The following ROBO2 variants were observed in gnomAD, a reference collection of about 807,000 sequenced individuals.
The protein encoded by ROBO2 is roundabout homolog 2.
ROBO2 carries 53 observed loss-of-function variants against 160.8 expected under a neutral mutation model. The observed-to-expected ratio is 0.33, with a 90% CI of 0.26 to 0.41. ROBO2 has a LOEUF of 0.41. ROBO2 is among the 10% of genes least tolerant of loss of function. The pLI is 1.00. For synonymous variants in ROBO2, 664 were observed against 611.7 expected (o/e 1.09, Z -1.26); for missense variants, 1,577 against 1,722.4 (o/e 0.92, Z 1.49).
chr3:76,503,968 G>C (rs1045916770), intron 2 of ROBO2, among the ~76,000 whole-genome samples: 1 of 152,148 alleles, frequency 6.6e-6, no homozygotes, highest in African/African-American at 2.4e-5. Flanking sequence ...AAATCATTAT[G>C]TAGATAACTA....
chr3:76,899,532 A>G (rs1398864186), intron 2 of ROBO2, among the ~76,000 whole-genome samples: 3 of 152,074 alleles, frequency 2.0e-5, no homozygotes, highest in Non-Finnish European at 4.4e-5. Flanking sequence ...TTTTTATTCA[A>G]TTTCTTCAAT....
At chr3:76,830,482 C>A (rs1431814556) in intron 2 of ROBO2, among the ~76,000 whole-genome samples, 1 of 152,006 alleles carries the variant, frequency 6.6e-6, no homozygotes. Context: ...TCATCCCCTA[C>A]TCAAAAAAAA....
intron 2 of ROBO2, among the ~76,000 whole-genome samples, chr3:77,448,886 A>G (rs2080851180): frequency 6.6e-6 from 1 of 152,144 alleles, no homozygotes; most frequent in Non-Finnish European, 1.5e-5. Context: ...CTATGTGAAA[A>G]AAAATCACAT....
At chr3:76,785,591 A>T (rs2062922908) in intron 2 of ROBO2, among the ~76,000 whole-genome samples, 1 of 151,244 alleles carries the variant, frequency 6.6e-6, no homozygotes, top group Non-Finnish European at 1.5e-5. Context: ...CTTTAAATAA[A>T]TATTTATTTC....
At chr3:76,335,867 C>T (rs541524527) in intron 2 of ROBO2, among the ~76,000 whole-genome samples, 25 of 152,286 alleles carry the variant, frequency 1.6e-4, no homozygotes, top group Admixed American at 1.3e-3. Context: ...TGAGCCACCG[C>T]GCCCGGCCTA....
At chr3:76,834,027 C>CTTTCTT (rs2067334901) in intron 2 of ROBO2, among the ~76,000 whole-genome samples, 1 of 54,804 alleles carries the variant, frequency 1.8e-5, no homozygotes, top group East Asian at 4.6e-4. Context: ...TCTTTCTTTT[C>CTTTCTT]TTTCTTTCTT....
intron 2 of ROBO2, among the ~76,000 whole-genome samples, chr3:76,881,072 C>T (rs1282941709): frequency 9.2e-5 from 14 of 152,186 alleles, no homozygotes; most frequent in Admixed American, 9.2e-4. Flanking sequence ...TTACAATACA[C>T]TGTACCTAGT....
intron 2 of ROBO2, among the ~76,000 whole-genome samples, chr3:76,725,058 A>G (rs1404316597): frequency 6.6e-6 from 1 of 152,158 alleles, no homozygotes; most frequent in African/African-American, 2.4e-5. Context: ...TCAGCTCAGT[A>G]ATACTGATTT....
At chr3:77,030,659 C>G (rs2063262225) in intron 2 of ROBO2, among the ~76,000 whole-genome samples, 1 of 152,162 alleles carries the variant, frequency 6.6e-6, no homozygotes, top group African/African-American at 2.4e-5. Flanking sequence ...CTCGTTGCAT[C>G]TGGTGGCCTG....
At chr3:76,782,973 CCTT>C (rs771078223) in intron 2 of ROBO2, among the ~76,000 whole-genome samples, 2 of 149,946 alleles carry the variant, frequency 1.3e-5, no homozygotes, top group African/African-American at 2.4e-5. Flanking sequence ...CTCTTGCTCT[CCTT>C]CTTGGTGATT....
chr3:76,988,621 T>A (rs1484743528), intron 2 of ROBO2, among the ~76,000 whole-genome samples: 1 of 152,176 alleles, frequency 6.6e-6, no homozygotes, highest in African/African-American at 2.4e-5. Context: ...TTGATAAGTG[T>A]CTTTATTTCC....
At chr3:76,751,185 A>G (rs1294503473) in intron 2 of ROBO2, among the ~76,000 whole-genome samples, 1 of 152,186 alleles carries the variant, frequency 6.6e-6, no homozygotes, top group Non-Finnish European at 1.5e-5. Flanking sequence ...GACAAAAACA[A>G]GAAATAGGGA....
At chr3:75,982,209 G>T (rs2065298117) in intron 2 of ROBO2, among the ~76,000 whole-genome samples, 2 of 151,426 alleles carry the variant, frequency 1.3e-5, no homozygotes, top group South Asian at 4.2e-4. Context: ...CTTAGCTATT[G>T]TAAACAGTGC....
At chr3:76,010,889 T>C (rs2066172156) in intron 2 of ROBO2, among the ~76,000 whole-genome samples, 1 of 152,110 alleles carries the variant, frequency 6.6e-6, no homozygotes, top group African/African-American at 2.4e-5. Flanking sequence ...TAAATAAATA[T>C]CTCATTTAGA....
intron 1 of ROBO2, among the ~76,000 whole-genome samples, chr3:77,070,073 A>T (rs146742978): frequency 2.0e-5 from 3 of 152,172 alleles, no homozygotes; most frequent in Non-Finnish European, 4.4e-5. Flanking sequence ...AGATGATGAG[A>T]GGTTGGAATA....
chr3:76,845,534 AT>A (rs1405775960), intron 2 of ROBO2, among the ~76,000 whole-genome samples: 1 of 151,960 alleles, frequency 6.6e-6, no homozygotes, highest in Non-Finnish European at 1.5e-5. Context: ...AAAGCATGGA[AT>A]GTGTATTGAA....
At chr3:76,633,765 G>A (rs1159534000) in intron 2 of ROBO2, among the ~76,000 whole-genome samples, 1 of 152,212 alleles carries the variant, frequency 6.6e-6, no homozygotes, top group Non-Finnish European at 1.5e-5. Context: ...CCACTTTATA[G>A]ATGAGGAATT....
intron 2 of ROBO2, among the ~76,000 whole-genome samples, chr3:76,331,313 T>C (rs1179155573): frequency 6.6e-6 from 1 of 152,154 alleles, no homozygotes. Context: ...TTCATAAATA[T>C]CACATGAGGC....
chr3:77,185,630 C>T (rs1045435953), intron 2 of ROBO2, among the ~76,000 whole-genome samples: 1 of 151,824 alleles, frequency 6.6e-6, no homozygotes, highest in Admixed American at 6.6e-5. Context: ...AAAGTAGAAC[C>T]ACCATTTGAT....
Sources: gnomAD v4.1 joint callset for allele counts (sites outside exome capture counted in the v4.1 genomes callset) on GRCh38, gnomAD v4.1.1 for gene constraint, MANE v1.5 for transcripts, NCBI Gene and HGNC (gene_info 2026-07-23, HGNC 2026-07-21) for gene names.